Variants in DHRS3 observed in about 807,000 individuals in gnomAD.
The protein encoded by DHRS3 is short-chain dehydrogenase/reductase 3.
DHRS3 carries 14 observed loss-of-function variants against 27.2 expected under a neutral mutation model. The ratio of observed to expected loss-of-function variants is 0.52; its 90% CI spans 0.34 to 0.81. DHRS3 has a LOEUF of 0.81. Ranked by LOEUF, DHRS3 falls within the 30% of genes least tolerant of loss-of-function variation. The pLI is 0.01. For missense variants in DHRS3, 322 were observed against 406.2 expected (o/e 0.79, Z 1.78); for synonymous variants, 165 against 175.9 (o/e 0.94, Z 0.49).
rs984662543 is a variant in DHRS3 at position 12,594,665 on chromosome 1, G to A, written c.196-13999C>T. On this transcript the variant is annotated intron_variant, in intron 1 of 5. Transcript: ENST00000616661. The surrounding 1 kb of genome is among the most constrained non-coding windows in gnomAD (Gnocchi z 4.1). ...GTGGAGGAAGAGCATCCCTGGTGGA[G>A]GGAACAGTTGGTGCAAAGGCCCTGG... Among the ~76,000 whole-genome samples, 1 of 152,084 alleles carries A rather than the reference G, an allele frequency of 6.6e-6. No homozygotes were observed. Among genetic ancestry groups the A allele is most frequent in the African/African-American group, 2.4e-5 (1 of 41,386 alleles).
chr1:12,583,420 C>T (rs2100670034), intron 1 of DHRS3, among the ~76,000 whole-genome samples: 1 of 65,592 alleles, frequency 1.5e-5, no homozygotes, highest in African/African-American at 5.1e-5. Flanking sequence ...ACCTACTTAT[C>T]CATCCATCCA....
In DHRS3 at chr1:12,617,637, G is replaced by C; in HGVS notation, c.-289C>G. The C allele has an allele frequency of 3.5e-6, 1 of 283,472 alleles. No homozygotes were observed. The highest frequency in any genetic ancestry group is 6.4e-6 in the Non-Finnish European group (1 of 155,436). 17.6% of individuals were successfully genotyped at this position (283,472 alleles called of 1,614,324 possible). ...CGGAGGTGGAAAGTTCTAACAAGAAGTTTCTTGCCCCAGCAGCCGTTTCGG... is the reference window on the plus strand; with the variant it reads ...CGGAGGTGGAAAGTTCTAACAAGAACTTTCTTGCCCCAGCAGCCGTTTCGG... On this transcript the variant is annotated 5_prime_UTR_variant, in exon 1 of 6. Transcript: ENST00000616661.
rs1646750097 is a variant in DHRS3, at chr1:12,591,929, G to A, written c.196-11263C>T. Among the ~76,000 whole-genome samples, 1 of 152,232 alleles carries A rather than the reference G, an allele frequency of 6.6e-6. No homozygotes were observed. The highest frequency in any genetic ancestry group is 2.1e-4 in the South Asian group (1 of 4,832). ...CATCATTCGGTCTTGATGACCAAGTGGTTATGAAAGGCATGGCAGAGATGT... is the reference window on the plus strand; with the variant it reads ...CATCATTCGGTCTTGATGACCAAGTAGTTATGAAAGGCATGGCAGAGATGT... On this transcript the variant is annotated intron_variant, in intron 1 of 5. Transcript: ENST00000616661. This position sits in a 1 kb window ranked among gnomAD's most constrained non-coding sequence, Gnocchi z 4.1.
chr1:12,613,731 C>A (rs1030713489), intron 1 of DHRS3, among the ~76,000 whole-genome samples: 12 of 152,134 alleles, frequency 7.9e-5, no homozygotes, highest in African/African-American at 2.9e-4. Context: ...AAATACCTCC[C>A]CTCAGACTAC....
chr1:12,599,717 C>G (rs765548190), intron 1 of DHRS3, among the ~76,000 whole-genome samples: 2 of 152,252 alleles, frequency 1.3e-5, no homozygotes, highest in Non-Finnish European at 2.9e-5. Context: ...TTTCCTTCTG[C>G]TGCTTCCATC....
intron 4 of DHRS3, among the ~76,000 whole-genome samples, chr1:12,576,069 G>T (rs1208000299): frequency 6.6e-6 from 1 of 152,190 alleles, no homozygotes. Context: ...GAAAAGTCAA[G>T]TAACTTGGCC....
rs1451340151 is a variant in DHRS3, at chr1:12,608,176, C to G, written c.195+8978G>C. 6.6e-6 allele frequency among the ~76,000 whole-genome samples: 1 copy of G among 152,150 alleles called. No individual in the cohort carries two copies. The highest frequency in any genetic ancestry group is 2.4e-5 in the African/African-American group (1 of 41,428). ...ACAGGAGTGAGCCACTGTGCCTGGC[C>G]TATATTTTTTATTTTCATCCTTTAA... On this transcript the variant is annotated intron_variant, in intron 1 of 5. Coordinates refer to ENST00000616661, the MANE Select transcript of DHRS3 (RefSeq NM_004753.7). This position sits in a 1 kb window ranked among gnomAD's most constrained non-coding sequence, Gnocchi z 4.1.
Position 12,608,101 on chromosome 1 carries a change from T to C in DHRS3, c.195+9053A>G, listed in dbSNP as rs1459352306. 6.6e-6 allele frequency among the ~76,000 whole-genome samples: 1 copy of C among 152,170 alleles called. No individual in the cohort carries two copies. The highest frequency in any genetic ancestry group is 1.5e-5 in the Non-Finnish European group (1 of 68,032). ...CCCGTTGGACAGGCTGGTCTCGAAC[T>C]CCTGACGTCAAGTGATCTGCCCGCC... On this transcript the variant is annotated intron_variant, in intron 1 of 5. Transcript: ENST00000616661. The surrounding 1 kb of genome is among the most constrained non-coding windows in gnomAD (Gnocchi z 4.1).
At chr1:12,589,193 T>A (rs1285378214) in intron 1 of DHRS3, among the ~76,000 whole-genome samples, 2 of 152,304 alleles carry the variant, frequency 1.3e-5, no homozygotes, top group East Asian at 3.9e-4. Flanking sequence ...TGGCATAGGT[T>A]ACTACTAGAA....
At chr1:12,584,433 C>T (rs571691776) in intron 1 of DHRS3, among the ~76,000 whole-genome samples, 3 of 152,114 alleles carry the variant, frequency 2.0e-5, no homozygotes, top group East Asian at 1.9e-4. Flanking sequence ...GCTGGGGAAC[C>T]GGCCTCACCT....
chr1:12,606,826 C>G lies in DHRS3; in HGVS notation c.195+10328G>C, dbSNP rs1646875195. ...AACAAAAATTTTAAACAAGTGGGAT[C>G]AAGATCTTGAAGCATTTCTTCAAAG... On this transcript the variant is annotated intron_variant, in intron 1 of 5. Transcript: ENST00000616661. Among the ~76,000 whole-genome samples, 4 of 152,200 alleles carry G rather than the reference C, an allele frequency of 2.6e-5. No homozygotes were observed. The South Asian group carries it at 8.3e-4, about 32-fold the overall frequency.
chr1:12,607,929 G>A (rs1045871776), intron 1 of DHRS3, among the ~76,000 whole-genome samples: 4 of 152,162 alleles, frequency 2.6e-5, no homozygotes, highest in African/African-American at 9.7e-5. Flanking sequence ...CCAGGCTGAA[G>A]TGCAGTGGTG....
chr1:12,584,434 G>A (rs1262855515), intron 1 of DHRS3, among the ~76,000 whole-genome samples: 7 of 151,828 alleles, frequency 4.6e-5, no homozygotes, highest in African/African-American at 9.7e-5. Flanking sequence ...CTGGGGAACC[G>A]GCCTCACCTC....
At chr1:12,601,997 G>A (rs1646838787) in intron 1 of DHRS3, among the ~76,000 whole-genome samples, 3 of 152,164 alleles carry the variant, frequency 2.0e-5, no homozygotes, top group Admixed American at 1.3e-4. Flanking sequence ...TATCTACTGT[G>A]GGCCAGATAC....
intron 1 of DHRS3, among the ~76,000 whole-genome samples, chr1:12,581,878 C>T (rs1315304501): frequency 1.3e-5 from 2 of 152,154 alleles, no homozygotes; most frequent in African/African-American, 4.8e-5. Context: ...GGAATTCGTC[C>T]GGTGGGCTTC....
chr1:12,584,158 A>C (rs545409471), intron 1 of DHRS3, among the ~76,000 whole-genome samples: 16 of 152,016 alleles, frequency 1.1e-4, no homozygotes, highest in Non-Finnish European at 1.8e-4. Context: ...GGCCCTAAGA[A>C]TTGCTGGGCA....
In DHRS3 at chr1:12,617,238, C is replaced by T; in HGVS notation, c.111G>A (p.Ser37=). The part of the protein sequence containing the change: ...LVLPAKLRDL[S]RENVLITGGG... The stretch of plus-strand genomic sequence containing the variant: ...CGCCGGTGATGAGGACGTTCTCCCG[C>T]GACAGGTCCCGCAGCTTGGCGGGCA... Residue 37 remains serine, a synonymous_variant, in exon 1 of 6, where the codon TCG becomes TCA. Coordinates refer to ENST00000616661, the MANE Select transcript of DHRS3 (RefSeq NM_004753.7). 1 of 1,613,748 alleles carries T rather than the reference C, an allele frequency of 6.2e-7. No individual in the cohort carries two copies. Among genetic ancestry groups the T allele is most frequent in the Non-Finnish European group, 8.5e-7 (1 of 1,179,978 alleles).
intron 5 of DHRS3, 63 bp from the exon 6 acceptor site, chr1:12,568,487 C>G: frequency 6.5e-7 from 1 of 1,528,602 alleles, no homozygotes; most frequent in Non-Finnish European, 9.0e-7. Context: ...GGGGCTGGGT[C>G]GCTGGTGGCC....
rs1278026001 is a variant in DHRS3, at chr1:12,578,559, T to C, written c.698+159A>G. Among the ~76,000 whole-genome samples, 1 of 152,186 alleles carries C rather than the reference T, an allele frequency of 6.6e-6. No individual in the cohort carries two copies. The highest frequency in any genetic ancestry group is 1.5e-5 in the Non-Finnish European group (1 of 68,040). ...AAACTGGATTGCTGGGCTCAAGCGA[T>C]CCACCTGCCTTGGCTTCCCAAAATG... On this transcript the variant is annotated intron_variant, in intron 4 of 5. Transcript: ENST00000616661. This position sits in a 1 kb window ranked among gnomAD's most constrained non-coding sequence, Gnocchi z 4.5.
Sources: gnomAD v4.1 joint callset for allele counts (sites outside exome capture counted in the v4.1 genomes callset) on GRCh38, gnomAD v4.1.1 for gene constraint, Gnocchi (gnomAD v3.1) non-coding constraint, MANE v1.5 for transcripts, NCBI Gene and HGNC (gene_info 2026-07-23, HGNC 2026-07-21) for gene names.